SULT1E1: variants seen among roughly 807,000 people sequenced by gnomAD.
The protein encoded by SULT1E1 is sulfotransferase family 1E member 1, also known as sulfotransferase 1E1.
Under a neutral mutation model 33.6 loss-of-function variants are expected in SULT1E1, and 36 were observed. The observed-to-expected ratio is 1.07, with a 90% confidence interval of 0.82 to 1.41. SULT1E1 has a LOEUF of 1.41. Among genes scored for constraint, SULT1E1 ranks in the 40% most tolerant of loss-of-function variants. The pLI, the probability that SULT1E1 is intolerant of heterozygous loss-of-function variation, is 0.00. For missense variants in SULT1E1, 371 were observed against 345.7 expected, an observed-to-expected ratio of 1.07 and a Z score of -0.58; for synonymous variants, 121 against 111.7, an observed-to-expected ratio of 1.08 and a Z score of -0.53.
chr4:69,858,291 A>G (rs1721291354), intron 1 of SULT1E1, among the ~76,000 whole-genome samples: 1 of 152,126 alleles, frequency 6.6e-6, no homozygotes, highest in South Asian at 2.1e-4. Flanking sequence ...CATTCGATCA[A>G]TAAGGTAGTG....
rs1298507007 is a variant in SULT1E1 at position 69,847,746 on chromosome 4, C to G, written c.543G>C (p.Lys181Asn). The change falls in exon 6 of 8, where the codon AAG becomes AAC. Residue 181 changes from lysine to asparagine, a missense_variant. By Grantham distance (94) the Lys-to-Asn change is moderately conservative. Transcript: ENST00000226444. ...WYKHVKSWWE[K>N]GKSPRVLFLF... ...GAAATAGTACACGTGGACTCTTTCC[C>G]TTTTCCCACCAAGATTTTACATGTT... 6.2e-7 allele frequency: 1 copy of G among 1,609,584 alleles called. No individual in the cohort carries two copies. Among genetic ancestry groups the G allele is most frequent in the Non-Finnish European group, 8.5e-7 (1 of 1,177,044 alleles).
chr4:69,844,056 C>A, intron 7 of SULT1E1, 105 bp downstream of exon 7: 1 of 1,008,346 alleles, frequency 9.9e-7, no homozygotes, highest in Non-Finnish European at 1.5e-6. Context: ...CTGAAGAAAA[C>A]TTAAGCTGGG....
chr4:69,823,388 C>A, the SULT1E1 span, among the ~76,000 whole-genome samples: 1 of 152,100 alleles, frequency 6.6e-6, no homozygotes, highest in Admixed American at 6.6e-5. Context: ...AAACTAAGCT[C>A]TTTCATTTGG....
chr4:69,826,421 C>T, the SULT1E1 span, among the ~76,000 whole-genome samples: 1 of 152,150 alleles, frequency 6.6e-6, no homozygotes, highest in African/African-American at 2.4e-5. Flanking sequence ...TTCCTCGGTC[C>T]TCCTTGTGGT....
chr4:69,840,654 C>T (rs76596715), downstream of SULT1E1, among the ~76,000 whole-genome samples: 5,906 of 152,220 alleles, frequency 0.039, 129 homozygotes, highest in Admixed American at 0.062. Flanking sequence ...AAATCACACT[C>T]ATTGGAATTA....
At chr4:69,848,033 G>T (rs1721017018) in intron 5 of SULT1E1, among the ~76,000 whole-genome samples, 1 of 151,486 alleles carries the variant, frequency 6.6e-6, no homozygotes, top group African/African-American at 2.4e-5. Flanking sequence ...CAGAAAAACA[G>T]GGAAAGTTCT....
intron 1 of SULT1E1, among the ~76,000 whole-genome samples, chr4:69,859,265 A>G (rs1411184199): frequency 6.6e-6 from 1 of 151,934 alleles, no homozygotes; most frequent in African/African-American, 2.4e-5. Flanking sequence ...TTCTTTCTGC[A>G]TACTCCCCTC....
the SULT1E1 span, among the ~76,000 whole-genome samples, chr4:69,823,031 G>T: frequency 1.4e-4 from 22 of 152,152 alleles, no homozygotes; most frequent in Non-Finnish European, 2.1e-4. Flanking sequence ...AGTTGCTTTG[G>T]TGCTATTGCT....
chr4:69,847,634 G>A, intron 6 of SULT1E1, 64 bp downstream of exon 6: 1 of 1,082,868 alleles, frequency 9.2e-7, no homozygotes, highest in Non-Finnish European at 1.3e-6. Context: ...TTTGTATCCA[G>A]AGTATTTTCA....
downstream of SULT1E1, among the ~76,000 whole-genome samples, chr4:69,840,351 A>G (rs756798303): frequency 1.3e-5 from 2 of 152,170 alleles, no homozygotes; most frequent in Non-Finnish European, 2.9e-5. Context: ...TAGTCTAGAT[A>G]AGCATTCTAC....
At chr4:69,827,546 G>A in the SULT1E1 span, among the ~76,000 whole-genome samples, 8 of 152,082 alleles carry the variant, frequency 5.3e-5, no homozygotes, top group South Asian at 4.2e-4. Context: ...AGGCCTTAAG[G>A]AAATATGCTC....
the SULT1E1 span, among the ~76,000 whole-genome samples, chr4:69,823,554 ACCTACAGTGCATCACT>A: frequency 6.6e-6 from 1 of 152,030 alleles, no homozygotes; most frequent in African/African-American, 2.4e-5. Flanking sequence ...CTCTGGTGCC[ACCTACAGTGCATCACT>A]GCCACCTGCT....
At position 69,847,698 on chromosome 4, in the gene SULT1E1, C is replaced by T. The variant is rs770574475; in HGVS notation, c.591G>A (p.Glu197=). The change falls in exon 6 of 8, where the codon GAG becomes GAA. Residue 197 remains glutamate, a splice_region_variant and synonymous_variant. Coordinates refer to ENST00000226444, the MANE Select transcript of SULT1E1 (RefSeq NM_005420.3). ...VLFLFYEDLK[E]DIRKEVIKLI... is the part of the protein sequence containing the mutation. ...TGCTTATGTGTTCCCAGTTCCTCAC[C>T]TCTTTCAGGTCTTCGTAGAAAAGAA... 2 of 1,593,868 alleles carry T rather than the reference C, an allele frequency of 1.3e-6. No homozygotes were observed. The highest frequency in any genetic ancestry group is 1.7e-6 in the Non-Finnish European group (2 of 1,168,616).
chr4:69,844,478 G>T, intron 6 of SULT1E1, 137 bp from the exon 7 acceptor site: 1 of 662,622 alleles, frequency 1.5e-6, no homozygotes, highest in Non-Finnish European at 2.4e-6. Flanking sequence ...ATCTAATTGG[G>T]GGAATTTTAT....
chr4:69,859,697 C>G (rs1426514003), intron 1 of SULT1E1, among the ~76,000 whole-genome samples: 2 of 152,160 alleles, frequency 1.3e-5, no homozygotes, highest in Middle Eastern at 3.4e-3. Context: ...CACAGGAACA[C>G]AAAACTAAAA....
At chr4:69,822,496 T>C in the SULT1E1 span, among the ~76,000 whole-genome samples, 3 of 152,168 alleles carry the variant, frequency 2.0e-5, no homozygotes, top group Non-Finnish European at 4.4e-5. Flanking sequence ...CAGTCCCAGC[T>C]ACTCGGGAGA....
Position 69,849,519 on chromosome 4 carries a change from A to G in SULT1E1, c.414T>C (p.Phe138=). Residue 138 remains phenylalanine (F), a synonymous_variant, in exon 5 of 8, where the codon TTT becomes TTC. Transcript: ENST00000226444. The part of the protein sequence containing the change: ...CRNAKDVAVS[F]YYFFLMVAGH... ...CAGCCACCATTAGAAAGAAATAATA[A>G]AAGGAAACAGCCACATCCTTTGCAT... 6.2e-7 allele frequency: 1 copy of G among 1,611,466 alleles called. No individual in the cohort carries two copies. The highest frequency in any genetic ancestry group is 8.5e-7 in the Non-Finnish European group (1 of 1,178,246).
intron 1 of SULT1E1, among the ~76,000 whole-genome samples, chr4:69,859,122 A>AT (rs1721312994): frequency 6.6e-6 from 1 of 152,200 alleles, no homozygotes; most frequent in East Asian, 1.9e-4. Context: ...GAAATTGTCA[A>AT]TTTTTTATTC....
rs1721008108 is a variant in SULT1E1, at chr4:69,847,727, G to A, written c.562C>T (p.Leu188=). ...TTCAGGTCTTCGTAGAAAAGAAATA[G>A]TACACGTGGACTCTTTCCCTTTTCC... ...WWEKGKSPRV[L]FLFYEDLKED... Residue 188 remains leucine, a synonymous_variant, in exon 6 of 8, where the codon CTA becomes TTA. Coordinates refer to ENST00000226444, the MANE Select transcript of SULT1E1 (RefSeq NM_005420.3). 1 of 1,607,080 alleles carries A rather than the reference G, an allele frequency of 6.2e-7. No individual in the cohort carries two copies. Among genetic ancestry groups the A allele is most frequent in the Non-Finnish European group, 8.5e-7 (1 of 1,175,960 alleles).
Sources: gnomAD v4.1 joint callset for allele counts (sites outside exome capture counted in the v4.1 genomes callset) on GRCh38, gnomAD v4.1.1 for gene constraint, MANE v1.5 for transcripts, NCBI Gene and HGNC (gene_info 2026-07-23, HGNC 2026-07-21) for gene names.